MAGI1: variants seen among roughly 807,000 people sequenced by gnomAD.
The protein encoded by MAGI1 is membrane associated guanylate kinase, WW and PDZ domain containing 1, also known as membrane-associated guanylate kinase, WW and PDZ domain-containing protein 1.
MAGI1 carries 58 observed loss-of-function variants against 139.9 expected under a neutral mutation model. The ratio of observed to expected loss-of-function variants is 0.41; its 90% confidence interval spans 0.34 to 0.52. The LOEUF is 0.52. Ranked by LOEUF, MAGI1 falls within the 20% of genes least tolerant of loss-of-function variation. The pLI is 0.12. For synonymous variants in MAGI1, 812 were observed against 737.9 expected (o/e 1.10, Z -1.63); for missense variants, 1,874 against 1,901.6 (o/e 0.99, Z 0.27).
intron 1 of MAGI1, among the ~76,000 whole-genome samples, chr3:65,942,068 T>C (rs1002593801): frequency 1.3e-5 from 2 of 152,212 alleles, no homozygotes; most frequent in African/African-American, 4.8e-5. Flanking sequence ...ATTATAGGCG[T>C]GAGCCACCAT....
At chr3:65,951,027 GGAAGGAAGGA>G (rs777493366) in intron 1 of MAGI1, among the ~76,000 whole-genome samples, 6,428 of 93,186 alleles carry the variant, frequency 0.069, 635 homozygotes, top group Non-Finnish European at 0.1. Context: ...AAGGAAGGAA[GGAAGGAAGGA>G]AAGGAGGGAG....
intron 1 of MAGI1, among the ~76,000 whole-genome samples, chr3:65,858,722 T>G (rs570720369): frequency 6.6e-6 from 1 of 152,324 alleles, no homozygotes; most frequent in South Asian, 2.1e-4. Context: ...TAATTATCTC[T>G]GCAAAAAACT....
At position 65,549,017 on chromosome 3, in the gene MAGI1, A is replaced by AGCCTGCGGCTGATGGGCC. The variant is rs2079669053; in HGVS notation, c.431-55404_431-55387dup. Among the ~76,000 whole-genome samples the AGCCTGCGGCTGATGGGCC allele has an allele frequency of 1.5e-4, 23 of 152,288 alleles. No homozygotes were observed. In the South Asian group the frequency reaches 4.8e-3, roughly 32 times the overall value. On this transcript the variant is annotated intron_variant, in intron 2 of 22. Transcript: ENST00000402939. ...AGGGACCCTGGCCCTAGGCGGAACG[A>AGCCTGCGGCTGATGGGCC]GCCTGCGGCTGATGGGCCGCCCGCG...
At chr3:66,024,572 C>T (rs1022049738) in intron 1 of MAGI1, among the ~76,000 whole-genome samples, 3 of 152,098 alleles carry the variant, frequency 2.0e-5, no homozygotes, top group African/African-American at 7.2e-5. Context: ...TTTGGGAGGC[C>T]AAGGTGGGCG....
At chr3:65,821,907 G>A (rs1158230293) in intron 1 of MAGI1, among the ~76,000 whole-genome samples, 4 of 152,166 alleles carry the variant, frequency 2.6e-5, no homozygotes, top group Admixed American at 2.0e-4. Context: ...TAAACCCTGA[G>A]ACAAATATGA....
intron 1 of MAGI1, among the ~76,000 whole-genome samples, chr3:65,971,546 C>A (rs1576311387): frequency 6.6e-6 from 1 of 152,170 alleles, no homozygotes. Flanking sequence ...CTGTCTGCAA[C>A]CCTCCACCCT....
intron 1 of MAGI1, among the ~76,000 whole-genome samples, chr3:65,732,838 G>A (rs11928387): frequency 0.037 from 5,530 of 151,304 alleles, 180 homozygotes; most frequent in African/African-American, 0.094. Context: ...TTAAGGTCTG[G>A]CAAAAAAACT....
At chr3:65,950,209 T>A (rs1026222139) in intron 1 of MAGI1, among the ~76,000 whole-genome samples, 3 of 150,566 alleles carry the variant, frequency 2.0e-5, no homozygotes, top group African/African-American at 7.4e-5. Flanking sequence ...TTAAACAAGT[T>A]AGGAGATGAA....
chr3:66,025,853 T>A (rs143710779), intron 1 of MAGI1, among the ~76,000 whole-genome samples: 17 of 152,162 alleles, frequency 1.1e-4, no homozygotes, highest in Non-Finnish European at 1.9e-4. Flanking sequence ...TGAGAAAAAA[T>A]TTAAATTTCA....
At chr3:65,865,223 T>G (rs2059681601) in intron 1 of MAGI1, among the ~76,000 whole-genome samples, 1 of 152,016 alleles carries the variant, frequency 6.6e-6, no homozygotes, top group African/African-American at 2.4e-5. Flanking sequence ...AATTTTCTCC[T>G]AGATTTTTAC....
chr3:65,858,645 G>A (rs186421176), intron 1 of MAGI1, among the ~76,000 whole-genome samples: 130 of 152,294 alleles, frequency 8.5e-4, no homozygotes, highest in Admixed American at 4.8e-3. Flanking sequence ...TGGAGAAGAG[G>A]AAAGGAGGAG....
rs1463329962 is a variant in MAGI1 at position 65,356,482 on chromosome 3, T to C, written c.4285A>G (p.Arg1429Gly). 6.2e-7 allele frequency: 1 copy of C among 1,611,776 alleles called. No individual in the cohort carries two copies. The highest frequency in any genetic ancestry group is 8.5e-7 in the Non-Finnish European group (1 of 1,179,966). Residue 1429 changes from arginine (R) to glycine (G), a missense_variant, in exon 23 of 23, where the codon AGG becomes GGG. Physicochemically the swap from Arg to Gly is moderately radical, Grantham distance 125. Coordinates refer to ENST00000402939, the MANE Select transcript of MAGI1 (RefSeq NM_001033057.2). ...TCCTGTTTCAGATTCGCCTCTTCCC[T>C]TTCTCGGTGGCTGGCTCTGTCCTCT... is the stretch of plus-strand genomic sequence containing the variant. ...NREDRASHRE[R>G]EEANLKQDAG... is the part of the protein sequence containing the mutation.
intron 14 of MAGI1, among the ~76,000 whole-genome samples, chr3:65,390,177 G>A (rs1943797161): frequency 6.6e-6 from 1 of 152,172 alleles, no homozygotes. Context: ...CTGCTGAGCA[G>A]TGACCACATT....
At chr3:65,392,181 T>C (rs948929696) in intron 13 of MAGI1, among the ~76,000 whole-genome samples, 1 of 152,188 alleles carries the variant, frequency 6.6e-6, no homozygotes, top group Non-Finnish European at 1.5e-5. Context: ...TCCTTGTTCA[T>C]TAAAATCTGC....
intron 1 of MAGI1, among the ~76,000 whole-genome samples, chr3:65,677,070 G>A (rs76498726): frequency 1.7e-3 from 259 of 152,278 alleles, no homozygotes; most frequent in African/African-American, 6.0e-3. Context: ...GGACATACAC[G>A]ATGAGAAAGA....
chr3:65,605,792 C>T (rs555479056), intron 2 of MAGI1, among the ~76,000 whole-genome samples: 1 of 152,216 alleles, frequency 6.6e-6, no homozygotes, highest in African/African-American at 2.4e-5. Context: ...ATATAGGAAA[C>T]ATATCTCAAT....
At chr3:66,013,621 C>T (rs1187402406) in intron 1 of MAGI1, among the ~76,000 whole-genome samples, 1 of 151,246 alleles carries the variant, frequency 6.6e-6, no homozygotes, top group Non-Finnish European at 1.5e-5. Context: ...ATTAGCTGGT[C>T]GTGGTGGCGG....
intron 2 of MAGI1, chr3:65,498,912 G>A (rs2076976532): frequency 2.9e-6 from 2 of 681,938 alleles, no homozygotes; most frequent in Admixed American, 1.3e-4. Context: ...GGTCAGTACA[G>A]CTCTCAACCA....
chr3:65,396,829 G>A (rs1944428786), intron 13 of MAGI1, among the ~76,000 whole-genome samples: 1 of 152,204 alleles, frequency 6.6e-6, no homozygotes, highest in African/African-American at 2.4e-5. Context: ...CAGTGCAGAG[G>A]ATGGTCATTC....
Sources: gnomAD v4.1 joint callset for allele counts (sites outside exome capture counted in the v4.1 genomes callset) on GRCh38, gnomAD v4.1.1 for gene constraint, MANE v1.5 for transcripts, NCBI Gene and HGNC (gene_info 2026-07-23, HGNC 2026-07-21) for gene names.